GRM7: variants seen among roughly 807,000 people sequenced by gnomAD.
The protein encoded by GRM7 is metabotropic glutamate receptor 7.
GRM7 carries 35 observed loss-of-function variants against 84.5 expected under a neutral mutation model. The ratio of observed to expected loss-of-function variants is 0.41; its 90% CI spans 0.32 to 0.55. The LOEUF (loss-of-function observed/expected upper bound fraction) is 0.55, where lower values mean the gene tolerates loss of function less well. Ranked by LOEUF, GRM7 falls within the 20% of genes least tolerant of loss-of-function variation. GRM7 has a pLI of 0.19. For synonymous variants in GRM7, 487 were observed against 455.1 expected (o/e 1.07, Z -0.89); for missense variants, 1,003 against 1,194.6 (o/e 0.84, Z 2.36).
At chr3:7,337,304 C>G (rs1417550127) in intron 4 of GRM7, among the ~76,000 whole-genome samples, 1 of 151,978 alleles carries the variant, frequency 6.6e-6, no homozygotes, top group Non-Finnish European at 1.5e-5. Context: ...TCTAACCATA[C>G]AAATTCTAGA....
chr3:6,864,885 T>C (rs1323590466), intron 1 of GRM7, among the ~76,000 whole-genome samples: 1 of 152,220 alleles, frequency 6.6e-6, no homozygotes, highest in Non-Finnish European at 1.5e-5. Flanking sequence ...ATGTAAATAG[T>C]GTCTATGACT....
Position 7,524,764 on chromosome 3 carries a change from G to T in GRM7, c.1516-53658G>T, listed in dbSNP as rs759643715. On this transcript the variant is annotated intron_variant, in intron 7 of 9. Transcript: ENST00000357716. Reference sequence around the variant, plus strand: ...ATTTGACCCAGCCATCCCATTACTGGGTATATACCCAAAGGACTATAAATC... The same window carrying T: ...ATTTGACCCAGCCATCCCATTACTGTGTATATACCCAAAGGACTATAAATC... Among the ~76,000 whole-genome samples the T allele has an allele frequency of 5.7e-5, 5 of 88,108 alleles. 2 individuals are homozygous for T. Among genetic ancestry groups the T allele is most frequent in the Non-Finnish European group, 1.1e-4 (5 of 46,820 alleles). The allele number at this position is 88,108 out of a possible 152,430, so 57.8% of individuals were successfully genotyped here.
intron 2 of GRM7, among the ~76,000 whole-genome samples, chr3:7,272,791 A>G (rs1698914599): frequency 6.6e-6 from 1 of 151,872 alleles, no homozygotes; most frequent in South Asian, 2.1e-4. Context: ...CTTTTCAAAG[A>G]ACCAGCTCTT....
chr3:7,120,987 G>T (rs890899065), intron 1 of GRM7, among the ~76,000 whole-genome samples: 10 of 152,056 alleles, frequency 6.6e-5, no homozygotes, highest in African/African-American at 1.9e-4. Flanking sequence ...TATTATTGTG[G>T]GGTTTTTTTC....
chr3:7,114,828 CG>C (rs1692976761), intron 1 of GRM7, among the ~76,000 whole-genome samples: 2 of 152,092 alleles, frequency 1.3e-5, no homozygotes, highest in African/African-American at 4.8e-5. Context: ...TGACCAGTTT[CG>C]TGGTGTTTTC....
chr3:7,392,794 G>C (rs1178791342), intron 4 of GRM7, among the ~76,000 whole-genome samples: 3 of 152,196 alleles, frequency 2.0e-5, no homozygotes, highest in Non-Finnish European at 4.4e-5. Flanking sequence ...CAGAAAGGCA[G>C]GGTGCTACCT....
At chr3:7,572,132 C>T (rs936684882) in intron 7 of GRM7, among the ~76,000 whole-genome samples, 6 of 152,280 alleles carry the variant, frequency 3.9e-5, no homozygotes, top group African/African-American at 1.4e-4. Flanking sequence ...CAGACCATAT[C>T]ACCAGAGAAG....
rs140769333 is a variant in GRM7, at chr3:7,441,793, T to A, written c.1175-10814T>A. On this transcript the variant is annotated intron_variant, in intron 5 of 9. Coordinates refer to ENST00000357716, the MANE Select transcript of GRM7 (RefSeq NM_000844.4). ...GTCAAAGATCAGATGGCTGTAAGTG[T>A]GCAGCTTTATTTTTGGGCTCTCTAA... Among the ~76,000 whole-genome samples the A allele has an allele frequency of 3.2e-3, 491 of 152,256 alleles. 6 individuals are homozygous for A. Among genetic ancestry groups the A allele is most frequent in the South Asian group, 0.022 (105 of 4,820 alleles).
intron 7 of GRM7, among the ~76,000 whole-genome samples, chr3:7,568,953 G>A (rs1040379791): frequency 2.0e-5 from 3 of 152,068 alleles, no homozygotes; most frequent in Non-Finnish European, 4.4e-5. Context: ...CTGTCCCATC[G>A]ACCACCCAAG....
intron 1 of GRM7, among the ~76,000 whole-genome samples, chr3:7,002,787 C>T (rs1282981728): frequency 6.6e-6 from 1 of 152,148 alleles, no homozygotes; most frequent in East Asian, 1.9e-4. Flanking sequence ...TGTCTCCACT[C>T]CCATGTTCAT....
intron 2 of GRM7, among the ~76,000 whole-genome samples, chr3:7,197,848 C>CA (rs1158757424): frequency 2.0e-5 from 3 of 151,516 alleles, no homozygotes; most frequent in East Asian, 3.9e-4. Flanking sequence ...GCAAGAAAAA[C>CA]AAAAAAACAA....
At position 7,429,301 on chromosome 3, in the gene GRM7, A is replaced by G. The variant is rs180892034; in HGVS notation, c.1174+14138A>G. 1.4e-4 allele frequency among the ~76,000 whole-genome samples: 21 copies of G among 152,346 alleles called. No homozygotes were observed. The East Asian group carries it at 3.1e-3, about 22-fold the overall frequency. ...CATAGGAAGCCTGTGGTAAATGACA[A>G]TAAAATGCACATTACCTATTTTTAT... On this transcript the variant is annotated intron_variant, in intron 5 of 9. Transcript: ENST00000357716.
intron 8 of GRM7, among the ~76,000 whole-genome samples, chr3:7,586,734 G>A (rs1384847955): frequency 6.6e-6 from 1 of 152,138 alleles, no homozygotes; most frequent in Non-Finnish European, 1.5e-5. Context: ...CTTGAACCCA[G>A]GAGGCAGAGG....
At chr3:6,944,935 A>G (rs1286041345) in intron 1 of GRM7, among the ~76,000 whole-genome samples, 1 of 152,108 alleles carries the variant, frequency 6.6e-6, no homozygotes, top group Non-Finnish European at 1.5e-5. Flanking sequence ...AAGTGTTCAT[A>G]AATTTCTTTA....
At chr3:7,696,980 T>A (rs1171548404) in intron 9 of GRM7, among the ~76,000 whole-genome samples, 3 of 152,122 alleles carry the variant, frequency 2.0e-5, no homozygotes, top group South Asian at 4.1e-4. Flanking sequence ...TCGGGTTGAG[T>A]ACACTACAGC....
chr3:7,084,139 T>C (rs1446786844), intron 1 of GRM7, among the ~76,000 whole-genome samples: 1 of 152,140 alleles, frequency 6.6e-6, no homozygotes, highest in East Asian at 1.9e-4. Flanking sequence ...GCAAATCATT[T>C]GGGCTACTCT....
chr3:7,225,615 T>A (rs1559512210), intron 2 of GRM7, among the ~76,000 whole-genome samples: 1 of 150,032 alleles, frequency 6.7e-6, no homozygotes, highest in South Asian at 2.1e-4. Flanking sequence ...CTATAATTTT[T>A]AAAATATTTT....
chr3:7,375,695 T>C (rs946671633), intron 4 of GRM7, among the ~76,000 whole-genome samples: 6 of 152,148 alleles, frequency 3.9e-5, no homozygotes, highest in Non-Finnish European at 7.3e-5. Flanking sequence ...TCTGGATTGA[T>C]TAATTCTTCA....
At chr3:7,483,918 A>G (rs1699226855) in intron 7 of GRM7, among the ~76,000 whole-genome samples, 1 of 152,166 alleles carries the variant, frequency 6.6e-6, no homozygotes, top group South Asian at 2.1e-4. Flanking sequence ...ATGATTTATC[A>G]CATTAAAAGA....
Sources: gnomAD v4.1 joint callset for allele counts (sites outside exome capture counted in the v4.1 genomes callset) on GRCh38, gnomAD v4.1.1 for gene constraint, MANE v1.5 for transcripts, NCBI Gene and HGNC (gene_info 2026-07-23, HGNC 2026-07-21) for gene names.